Variants in LINGO2 observed in about 807,000 individuals in gnomAD.
The protein encoded by LINGO2 is leucine-rich repeat and immunoglobulin-like domain-containing nogo receptor-interacting protein 2.
A neutral mutation model predicts 30.6 loss-of-function variants in LINGO2; 14 were observed. The ratio of observed to expected loss-of-function variants is 0.46; its 90% CI spans 0.30 to 0.72. LINGO2 has a LOEUF of 0.72. Among genes scored for constraint, LINGO2 ranks in the 30% least tolerant of loss-of-function variants. The probability of loss-of-function intolerance (pLI) is 0.07; values close to 1 mark genes in which losing one functional copy is unlikely to be tolerated. For synonymous variants in LINGO2, 317 were observed against 288.5 expected (o/e 1.10, Z -1.00); for missense variants, 729 against 751.7 (o/e 0.97, Z 0.35).
chr9:28,176,671 C>A (rs1317783034), intron 4 of LINGO2, among the ~76,000 whole-genome samples: 1 of 152,060 alleles, frequency 6.6e-6, no homozygotes, highest in African/African-American at 2.4e-5. Flanking sequence ...TTTATTATTT[C>A]TATATTGAAG....
At chr9:29,122,350 C>T in the LINGO2 span, among the ~76,000 whole-genome samples, 1 of 151,918 alleles carries the variant, frequency 6.6e-6, no homozygotes, top group Admixed American at 6.6e-5. Context: ...ATGCAAATCA[C>T]ATTGCGTTTA....
chr9:28,511,326 C>G (rs1025698410), intron 1 of LINGO2, among the ~76,000 whole-genome samples: 1 of 152,170 alleles, frequency 6.6e-6, no homozygotes, highest in African/African-American at 2.4e-5. Context: ...AGGTAGCTGA[C>G]TGATCACCCT....
chr9:28,230,535 C>A (rs1821320521), intron 4 of LINGO2, among the ~76,000 whole-genome samples: 1 of 151,702 alleles, frequency 6.6e-6, no homozygotes, highest in African/African-American at 2.4e-5. Context: ...TATACTATCA[C>A]CAGCCAGTTA....
chr9:27,986,220 T>A (rs1280789442), intron 5 of LINGO2, among the ~76,000 whole-genome samples: 2 of 150,508 alleles, frequency 1.3e-5, no homozygotes, highest in African/African-American at 4.9e-5. Context: ...TTATCCCATG[T>A]TACATTTTCC....
At chr9:28,640,181 A>G (rs1235125748) in intron 1 of LINGO2, among the ~76,000 whole-genome samples, 24 of 152,060 alleles carry the variant, frequency 1.6e-4, no homozygotes, top group Non-Finnish European at 3.5e-4. Flanking sequence ...AGTTTCTGCC[A>G]AGAGATCAGC....
chr9:27,946,189 T>G (rs1022691318), downstream of LINGO2, among the ~76,000 whole-genome samples: 54 of 152,112 alleles, frequency 3.6e-4, no homozygotes, highest in African/African-American at 1.3e-3. Flanking sequence ...TTAAACAGGA[T>G]TCCTGTTTAC....
chr9:28,675,154 G>C (rs60887885), upstream of LINGO2, among the ~76,000 whole-genome samples: 1 of 151,976 alleles, frequency 6.6e-6, no homozygotes. Context: ...TGAGAAAGGC[G>C]GTATTATCCC....
At chr9:28,525,006 C>G (rs1265525951) in intron 1 of LINGO2, among the ~76,000 whole-genome samples, 1 of 151,810 alleles carries the variant, frequency 6.6e-6, no homozygotes, top group African/African-American at 2.4e-5. Flanking sequence ...ATTAAACAAT[C>G]CAATTCAAAA....
chr9:28,809,484 G>T, the LINGO2 span, among the ~76,000 whole-genome samples: 5 of 152,240 alleles, frequency 3.3e-5, no homozygotes, highest in East Asian at 7.7e-4. Context: ...GGTGGCTCAC[G>T]CCTGTAATCC....
chr9:28,973,114 T>G, the LINGO2 span, among the ~76,000 whole-genome samples: 13 of 150,456 alleles, frequency 8.6e-5, no homozygotes, highest in African/African-American at 3.3e-4. Context: ...GGGTAGAATG[T>G]TTTTTCAAGG....
intron 2 of LINGO2, among the ~76,000 whole-genome samples, chr9:28,402,327 T>G (rs1822305351): frequency 6.6e-6 from 1 of 152,090 alleles, no homozygotes; most frequent in Admixed American, 6.5e-5. Context: ...TGTTAGTATG[T>G]GAAAAGAGGA....
intron 4 of LINGO2, among the ~76,000 whole-genome samples, chr9:28,022,956 C>G (rs553847257): frequency 3.3e-5 from 5 of 152,094 alleles, no homozygotes; most frequent in Admixed American, 2.6e-4. Flanking sequence ...TGTGTCTGTT[C>G]TACTAATGAA....
At chr9:28,087,985 C>T (rs1385143991) in intron 4 of LINGO2, among the ~76,000 whole-genome samples, 1 of 151,920 alleles carries the variant, frequency 6.6e-6, no homozygotes. Context: ...TTCTGATAAC[C>T]ATACTATTCC....
intron 4 of LINGO2, among the ~76,000 whole-genome samples, chr9:28,183,866 A>C (rs1247939663): frequency 6.6e-6 from 1 of 152,230 alleles, no homozygotes; most frequent in East Asian, 1.9e-4. Flanking sequence ...TGGAAACTAA[A>C]GAGAGGAATA....
intron 4 of LINGO2, 52 bp downstream of exon 6, chr9:28,295,156 T>C (rs1447041303): frequency 6.6e-6 from 1 of 152,472 alleles, no homozygotes; most frequent in African/African-American, 2.4e-5. Context: ...GGCAGCATAC[T>C]GAAGCCCTTA....
the LINGO2 span, among the ~76,000 whole-genome samples, chr9:28,932,152 T>TAAAATAAAATAAAATAAAATAAAA: frequency 2.4e-5 from 3 of 124,618 alleles, no homozygotes; most frequent in Non-Finnish European, 3.3e-5. Context: ...TAAAATAAAA[T>TAAAATAAAATAAAATAAAATAAAA]GAAAGGCAGT....
chr9:28,498,265 A>G (rs56207708), intron 1 of LINGO2, among the ~76,000 whole-genome samples: 1,702 of 152,294 alleles, frequency 0.011, 35 homozygotes, highest in African/African-American at 0.039. Flanking sequence ...GGTGGAGTCT[A>G]CAGAGGCAGG....
intron 4 of LINGO2, among the ~76,000 whole-genome samples, chr9:28,209,608 T>A (rs1820523012): frequency 1.3e-5 from 2 of 151,914 alleles, no homozygotes; most frequent in African/African-American, 4.8e-5. Flanking sequence ...CGTTTTTGAA[T>A]TCTAAGTCAA....
At chr9:28,349,617 G>A (rs1427085904) in intron 3 of LINGO2, among the ~76,000 whole-genome samples, 4 of 138,308 alleles carry the variant, frequency 2.9e-5, no homozygotes, top group Non-Finnish European at 4.7e-5. Flanking sequence ...TAGCAAGGCA[G>A]GACAACGTTC....
Sources: gnomAD v4.1 joint callset for allele counts (sites outside exome capture counted in the v4.1 genomes callset) on GRCh38, gnomAD v4.1.1 for gene constraint, MANE v1.5 for transcripts, NCBI Gene and HGNC (gene_info 2026-07-23, HGNC 2026-07-21) for gene names.